RBFOX1: variants seen among roughly 807,000 people sequenced by gnomAD.
The protein encoded by RBFOX1 is RNA binding protein fox-1 homolog 1.
In RBFOX1, 8 loss-of-function variants were observed where a neutral mutation model predicts 57.7. The observed-to-expected ratio is 0.14, with a 90% CI of 0.08 to 0.25. RBFOX1 has a LOEUF of 0.25. RBFOX1 is among the 10% of genes least tolerant of loss of function. The pLI is 1.00. For missense variants in RBFOX1, 611 were observed against 548.5 expected, an observed-to-expected ratio of 1.11 and a Z score of -1.14; for synonymous variants, 326 against 222.4, an observed-to-expected ratio of 1.47 and a Z score of -4.15.
intron 2 of RBFOX1, among the ~76,000 whole-genome samples, chr16:6,419,403 A>T (rs1413305483): frequency 6.6e-6 from 1 of 152,124 alleles, no homozygotes; most frequent in Non-Finnish European, 1.5e-5. Flanking sequence ...TTGATTCATC[A>T]CTCACGTGTG....
intron 3 of RBFOX1, among the ~76,000 whole-genome samples, chr16:5,619,054 G>C (rs1199963417): frequency 6.6e-6 from 1 of 152,200 alleles, no homozygotes; most frequent in South Asian, 2.1e-4. Flanking sequence ...AGGACAAAAT[G>C]TCTAGTCTAT....
chr16:7,398,012 A>G (rs960407147), intron 4 of RBFOX1, among the ~76,000 whole-genome samples: 1 of 151,930 alleles, frequency 6.6e-6, no homozygotes, highest in Non-Finnish European at 1.5e-5. Context: ...TACGGCCGTT[A>G]GTGGATTAAG....
chr16:6,988,960 C>T (rs1184887560), intron 3 of RBFOX1, among the ~76,000 whole-genome samples: 1 of 151,852 alleles, frequency 6.6e-6, no homozygotes, highest in Non-Finnish European at 1.5e-5. Flanking sequence ...GATGGGTTTT[C>T]CCATGTTGGC....
At chr16:6,677,382 G>T (rs916084124) in intron 3 of RBFOX1, among the ~76,000 whole-genome samples, 2 of 152,100 alleles carry the variant, frequency 1.3e-5, no homozygotes, top group Non-Finnish European at 2.9e-5. Context: ...AAATATATGT[G>T]ATATGTTTCT....
At chr16:6,035,255 T>A (rs2095350596) in intron 1 of RBFOX1, among the ~76,000 whole-genome samples, 1 of 152,168 alleles carries the variant, frequency 6.6e-6, no homozygotes, top group Admixed American at 6.5e-5. Context: ...CAGAGACATG[T>A]ATTTGAGGAC....
At chr16:6,948,692 C>G (rs975420758) in intron 3 of RBFOX1, among the ~76,000 whole-genome samples, 5 of 152,058 alleles carry the variant, frequency 3.3e-5, no homozygotes, top group Admixed American at 3.3e-4. Context: ...TTGTGTCAGT[C>G]TTATCAGAAA....
In RBFOX1 at chr16:5,524,758, C is replaced by G. The variant is rs1054965129; in HGVS notation, c.258+57504C>G. On this transcript the variant is annotated intron_variant, in intron 2 of 2. Coordinates refer to the RBFOX1 transcript ENST00000585867. ...GTTTCACCGTGTTGGCCAGGCTGGT[C>G]TTGAACTCCTGACCTCAAGTAATCT... 2.6e-5 allele frequency among the ~76,000 whole-genome samples: 4 copies of G among 152,036 alleles called. No individual in the cohort carries two copies. The South Asian group carries it at 8.3e-4, about 32-fold the overall frequency.
rs568171453 is a variant in RBFOX1, at chr16:6,031,876, C to G, written c.-127+11884C>G. On this transcript the variant is annotated intron_variant, in intron 1 of 15. Coordinates refer to ENST00000550418, the MANE Select transcript of RBFOX1 (RefSeq NM_018723.4). ...GTACATTCAGTGAGTGACAGCATCACAGGAGGCAGACCCCAGCCTTATGAA... is the reference window on the plus strand; with the variant it reads ...GTACATTCAGTGAGTGACAGCATCAGAGGAGGCAGACCCCAGCCTTATGAA... Among the ~76,000 whole-genome samples, 3 of 152,316 alleles carry G rather than the reference C, an allele frequency of 2.0e-5. No individual in the cohort carries two copies. The South Asian group carries it at 6.2e-4, about 32-fold the overall frequency.
chr16:5,329,636 A>G (rs531707656), intron 1 of RBFOX1, among the ~76,000 whole-genome samples: 1 of 152,218 alleles, frequency 6.6e-6, no homozygotes, highest in Non-Finnish European at 1.5e-5. Context: ...TAACAAAATA[A>G]CATTAATTAG....
intron 3 of RBFOX1, among the ~76,000 whole-genome samples, chr16:5,739,724 G>T (rs1171510764): frequency 6.6e-6 from 1 of 152,216 alleles, no homozygotes; most frequent in African/African-American, 2.4e-5. Context: ...TTGGGGCTGG[G>T]ACAGGAAATC....
At chr16:5,819,965 T>C (rs948224808) in intron 3 of RBFOX1, among the ~76,000 whole-genome samples, 3 of 152,160 alleles carry the variant, frequency 2.0e-5, no homozygotes, top group Non-Finnish European at 4.4e-5. Flanking sequence ...TCTGTTGAGG[T>C]ACCTTGCTTA....
At chr16:5,696,626 A>C (rs561488550) in intron 3 of RBFOX1, among the ~76,000 whole-genome samples, 1 of 152,178 alleles carries the variant, frequency 6.6e-6, no homozygotes, top group African/African-American at 2.4e-5. Flanking sequence ...CTCTATGTGA[A>C]TTTAAAGATC....
chr16:6,577,538 G>T (rs190366591), intron 2 of RBFOX1, among the ~76,000 whole-genome samples: 32 of 152,274 alleles, frequency 2.1e-4, no homozygotes, highest in Admixed American at 8.5e-4. Flanking sequence ...ACACAACAAA[G>T]GTTTATTTCT....
At chr16:6,954,428 A>T (rs1268383568) in intron 3 of RBFOX1, among the ~76,000 whole-genome samples, 2 of 152,112 alleles carry the variant, frequency 1.3e-5, no homozygotes, top group Admixed American at 1.3e-4. Flanking sequence ...TGGCATTTTT[A>T]AAATTACACG....
At chr16:7,140,906 C>T (rs1360741553) in intron 4 of RBFOX1, among the ~76,000 whole-genome samples, 1 of 152,108 alleles carries the variant, frequency 6.6e-6, no homozygotes, top group Non-Finnish European at 1.5e-5. Flanking sequence ...GGCATCTTTC[C>T]CAAAGGGATT....
chr16:6,042,773 T>A (rs1253872685), intron 1 of RBFOX1, among the ~76,000 whole-genome samples: 1 of 151,966 alleles, frequency 6.6e-6, no homozygotes, highest in Non-Finnish European at 1.5e-5. Context: ...ACATGAAAGG[T>A]ATACATTGGT....
At position 5,245,074 on chromosome 16, in the gene RBFOX1, C is replaced by T. The variant is rs538899619; in HGVS notation, c.219+4969C>T. ...TTTCATTAAGGTGGTCATTTTTCTT[C>T]TTGTGGCCTCTGGAATGTGACACAG... On this transcript the variant is annotated intron_variant, in intron 1 of 2. Coordinates refer to the RBFOX1 transcript ENST00000585867. Among the ~76,000 whole-genome samples, 7 of 152,290 alleles carry T rather than the reference C, an allele frequency of 4.6e-5. No homozygotes were observed. The East Asian group carries it at 1.2e-3, about 25-fold the overall frequency.
intron 4 of RBFOX1, chr16:7,509,989 C>A: frequency 5.5e-6 from 1 of 180,768 alleles, no homozygotes; most frequent in Non-Finnish European, 1.0e-5. Context: ...TTCCCTTCCT[C>A]CTCTATATAA....
At chr16:5,466,518 G>T (rs926029395) in intron 1 of RBFOX1, among the ~76,000 whole-genome samples, 2 of 152,180 alleles carry the variant, frequency 1.3e-5, no homozygotes, top group African/African-American at 2.4e-5. Flanking sequence ...TCTTCCTCAA[G>T]GCAGCTAGGG....
Sources: allele counts gnomAD v4.1 joint callset (sites outside exome capture counted in the v4.1 genomes callset), GRCh38; gene constraint gnomAD v4.1.1; transcripts MANE v1.5; gene names NCBI Gene and HGNC (gene_info 2026-07-23, HGNC 2026-07-21).